The following PDE4D variants were observed in gnomAD, a reference collection of about 807,000 sequenced individuals.
PDE4D encodes phosphodiesterase 4D.
A neutral mutation model predicts 87.4 loss-of-function variants in PDE4D; 24 were observed. The ratio of observed to expected loss-of-function variants is 0.27; its 90% CI spans 0.20 to 0.39. The LOEUF (loss-of-function observed/expected upper bound fraction) is 0.39, where lower values mean the gene tolerates loss of function less well. PDE4D is among the 10% of genes least tolerant of loss of function. The probability of loss-of-function intolerance (pLI) is 1.00; values close to 1 mark genes in which losing one functional copy is unlikely to be tolerated. For missense variants in PDE4D, 714 were observed against 1,041.0 expected, an observed-to-expected ratio of 0.69 and a Z score of 4.32; for synonymous variants, 384 against 383.2, an observed-to-expected ratio of 1.00 and a Z score of -0.02.
chr5:59,428,311 A>G (rs1562170287), intron 1 of PDE4D, among the ~76,000 whole-genome samples: 2 of 151,936 alleles, frequency 1.3e-5, no homozygotes, highest in Admixed American at 6.6e-5. Context: ...TGAAAAGCCA[A>G]TTTTTTTTAT....
At chr5:58,983,757 T>C (rs908332607) in intron 11 of PDE4D, among the ~76,000 whole-genome samples, 1 of 152,182 alleles carries the variant, frequency 6.6e-6, no homozygotes, top group Non-Finnish European at 1.5e-5. Flanking sequence ...GCTGGACCTG[T>C]TGTAGAGCCC....
At chr5:59,033,743 C>T (rs910148745) in intron 6 of PDE4D, among the ~76,000 whole-genome samples, 3 of 151,976 alleles carry the variant, frequency 2.0e-5, no homozygotes, top group African/African-American at 4.8e-5. Flanking sequence ...CCTTATGTTT[C>T]GGAATTTTTT....
At chr5:59,274,095 CAAGGATTTT>C (rs1764349403) in intron 1 of PDE4D, among the ~76,000 whole-genome samples, 1 of 151,914 alleles carries the variant, frequency 6.6e-6, no homozygotes, top group Non-Finnish European at 1.5e-5. Context: ...GTAATTCATA[CAAGGATTTT>C]AAGGATTTTC....
chr5:60,371,588 T>C (rs1356648912), intron 1 of PDE4D, among the ~76,000 whole-genome samples: 1 of 152,320 alleles, frequency 6.6e-6, no homozygotes, highest in South Asian at 2.1e-4. Context: ...AGGCAGTGGA[T>C]TTTCACAAAG....
intron 1 of PDE4D, among the ~76,000 whole-genome samples, chr5:59,290,473 T>C (rs1270681612): frequency 1.3e-5 from 2 of 152,022 alleles, no homozygotes; most frequent in African/African-American, 2.4e-5. Context: ...ATGAAACTAC[T>C]AAAAGAAAAC....
At chr5:60,200,310 T>C (rs1024953187) in intron 1 of PDE4D, among the ~76,000 whole-genome samples, 1 of 151,662 alleles carries the variant, frequency 6.6e-6, no homozygotes, top group Admixed American at 6.6e-5. Context: ...AGGATATGTA[T>C]GTTTTCTCCT....
At chr5:58,994,950 T>TC (rs1365823701) in intron 6 of PDE4D, among the ~76,000 whole-genome samples, 2 of 125,366 alleles carry the variant, frequency 1.6e-5, no homozygotes, top group African/African-American at 6.1e-5. Context: ...TGTGTGATGT[T>TC]CCCCTTCCTG....
intron 5 of PDE4D, among the ~76,000 whole-genome samples, chr5:59,124,186 G>A (rs1170007618): frequency 6.6e-6 from 1 of 152,116 alleles, no homozygotes; most frequent in Non-Finnish European, 1.5e-5. Flanking sequence ...ACTGAGGGAG[G>A]TTGAGTGAGG....
intron 1 of PDE4D, among the ~76,000 whole-genome samples, chr5:59,643,361 C>G (rs544124478): frequency 6.6e-6 from 1 of 152,274 alleles, no homozygotes; most frequent in Admixed American, 6.5e-5. Context: ...CAGGCCCCCT[C>G]TTGAGTCTTC....
chr5:59,301,505 G>A (rs149934158), intron 1 of PDE4D, among the ~76,000 whole-genome samples: 6 of 152,226 alleles, frequency 3.9e-5, no homozygotes, highest in South Asian at 2.1e-4. Context: ...GTCTGAAGCC[G>A]GTAAAGAGAA....
intron 1 of PDE4D, among the ~76,000 whole-genome samples, chr5:59,244,668 ATGTGTGTGTGTCTGTGTGTGTGTGTGTG>A (rs1758440924): frequency 1.9e-5 from 2 of 107,012 alleles, no homozygotes; most frequent in Non-Finnish European, 3.8e-5. Context: ...ATATGTATGT[ATGTGTGTGTGTCTGTGTGTGTGTGTGTG>A]TGTGTGTGTG....
At chr5:59,102,567 A>T (rs1049189440) in intron 5 of PDE4D, among the ~76,000 whole-genome samples, 3 of 152,230 alleles carry the variant, frequency 2.0e-5, no homozygotes, top group Non-Finnish European at 2.9e-5. Context: ...CCATAATGCT[A>T]TATTAGCATA....
chr5:59,377,579 T>C (rs1286276587), intron 1 of PDE4D, among the ~76,000 whole-genome samples: 1 of 152,074 alleles, frequency 6.6e-6, no homozygotes, highest in Non-Finnish European at 1.5e-5. Flanking sequence ...TTGCAAACTA[T>C]TCAACAAAGG....
intron 1 of PDE4D, among the ~76,000 whole-genome samples, chr5:60,402,503 G>C (rs1227209847): frequency 6.6e-6 from 1 of 152,208 alleles, no homozygotes; most frequent in East Asian, 1.9e-4. Context: ...CAGCCACGAA[G>C]AGCTGCTTCA....
chr5:60,261,358 A>G (rs1435323934), intron 1 of PDE4D, among the ~76,000 whole-genome samples: 1 of 152,096 alleles, frequency 6.6e-6, no homozygotes, highest in Admixed American at 6.6e-5. Flanking sequence ...AACAATTTGA[A>G]CTGATTCTCC....
At position 60,303,149 on chromosome 5, in the gene PDE4D, G is replaced by A. The variant is rs1262512803; in HGVS notation, c.-89-117462C>T. On this transcript the variant is annotated intron_variant, in intron 1 of 16. Coordinates refer to the PDE4D transcript ENST00000502484. ...CAGCCTAAATTTCCCTCTTAACACC[G>A]CTTTAGCTACGGCCCAGAGATTCTG... Among the ~76,000 whole-genome samples the A allele has an allele frequency of 7.3e-5, 11 of 150,692 alleles. No individual in the cohort carries two copies. The South Asian group carries it at 1.7e-3, about 23-fold the overall frequency.
At chr5:59,889,539 C>T (rs1260005016) in intron 1 of PDE4D, among the ~76,000 whole-genome samples, 2 of 152,038 alleles carry the variant, frequency 1.3e-5, no homozygotes, top group African/African-American at 4.8e-5. Flanking sequence ...GTATCTAAAT[C>T]AAATGTCCCC....
At chr5:59,593,423 T>C (rs894180806) in intron 1 of PDE4D, among the ~76,000 whole-genome samples, 1 of 152,220 alleles carries the variant, frequency 6.6e-6, no homozygotes, top group Non-Finnish European at 1.5e-5. Context: ...GGAAATTTAA[T>C]TGATTGTTAC....
intron 5 of PDE4D, among the ~76,000 whole-genome samples, chr5:59,085,817 T>A (rs941442040): frequency 1.3e-5 from 2 of 151,978 alleles, no homozygotes; most frequent in Non-Finnish European, 2.9e-5. Flanking sequence ...TTACTGGAGG[T>A]CTAAGAAGTA....
Sources: gnomAD v4.1 joint callset for allele counts (sites outside exome capture counted in the v4.1 genomes callset) on GRCh38, gnomAD v4.1.1 for gene constraint, MANE v1.5 for transcripts, NCBI Gene and HGNC (gene_info 2026-07-23, HGNC 2026-07-21) for gene names.